The following CDC42BPA variants were observed in gnomAD, a reference collection of about 807,000 sequenced individuals.
CDC42BPA encodes serine/threonine-protein kinase MRCK alpha.
Under a neutral mutation model 223.5 loss-of-function variants are expected in CDC42BPA, and 80 were observed. The ratio of observed to expected loss-of-function variants is 0.36; its 90% confidence interval spans 0.30 to 0.43. CDC42BPA has a LOEUF of 0.43. Ranked by LOEUF, CDC42BPA falls within the 20% of genes least tolerant of loss-of-function variation. CDC42BPA has a pLI of 1.00. For missense variants in CDC42BPA, 1,743 were observed against 2,099.9 expected (o/e 0.83, Z 3.32); for synonymous variants, 694 against 718.6 (o/e 0.97, Z 0.55).
intron 5 of CDC42BPA, among the ~76,000 whole-genome samples, chr1:227,193,121 T>C (rs1030512513): frequency 1.4e-5 from 2 of 140,594 alleles, no homozygotes; most frequent in African/African-American, 5.5e-5. Context: ...CAGGCTGGAG[T>C]GCAGTGGCGG....
Position 227,035,547 on chromosome 1 carries a change from G to A in CDC42BPA, c.3260C>T (p.Pro1087Leu), listed in dbSNP as rs1253653572. The change falls in exon 25 of 37, where the codon CCT (proline) becomes CTT (leucine). Residue 1087 changes from proline (P) to leucine (L), a missense_variant. Physicochemically the swap from Pro to Leu is moderately conservative, Grantham distance 98. This residue lies in a region of CDC42BPA where 678 missense variants were observed against 777.5 expected (regional missense o/e 0.87). Transcript: ENST00000366766. ...CAGGGGACCTTTTGTCTGTTCAGGAGGAACTGGACAAGTGGTTGGAGCTTT... is the reference window on the plus strand; with the variant it reads ...CAGGGGACCTTTTGTCTGTTCAGGAAGAACTGGACAAGTGGTTGGAGCTTT... ...VNKAPTTCPV[P>L]PEQTKGPLGI... 4 of 1,610,486 alleles carry A rather than the reference G, an allele frequency of 2.5e-6. No homozygotes were observed. The highest frequency in any genetic ancestry group is 1.7e-5 in the Admixed American group (1 of 59,254).
At chr1:227,114,286 T>C (rs1195138477) in intron 12 of CDC42BPA, among the ~76,000 whole-genome samples, 1 of 151,762 alleles carries the variant, frequency 6.6e-6, no homozygotes, top group African/African-American at 2.4e-5. Flanking sequence ...ACTGAAGAAG[T>C]AACAACAGCA....
At chr1:227,128,171 G>C (rs1311340681) in intron 11 of CDC42BPA, among the ~76,000 whole-genome samples, 4 of 152,050 alleles carry the variant, frequency 2.6e-5, no homozygotes, top group Non-Finnish European at 5.9e-5. Flanking sequence ...TGTTTTACTT[G>C]AACACCTGGG....
intron 7 of CDC42BPA, 105 bp from the exon 8 acceptor site, chr1:227,145,842 C>A (rs1660610909): frequency 1.2e-6 from 1 of 838,794 alleles, no homozygotes; most frequent in Admixed American, 3.0e-5. Flanking sequence ...TTAAATATAT[C>A]TAATAACTGC....
At chr1:227,247,362 G>A (rs1387329845) in intron 2 of CDC42BPA, among the ~76,000 whole-genome samples, 3 of 151,452 alleles carry the variant, frequency 2.0e-5, no homozygotes, top group Non-Finnish European at 4.4e-5. Context: ...AGGCATGATG[G>A]TGCACGCCTG....
At chr1:227,166,529 T>C (rs377437033) in intron 5 of CDC42BPA, among the ~76,000 whole-genome samples, 17 of 152,194 alleles carry the variant, frequency 1.1e-4, no homozygotes, top group African/African-American at 3.9e-4. Flanking sequence ...AAAGAAAACA[T>C]TTGACCAAGA....
Position 227,297,967 on chromosome 1 carries a change from T to TATATATATATACACACACACACAC in CDC42BPA, c.178+19037_178+19038insGTGTGTGTGTGTGTATATATATAT, listed in dbSNP as rs369403944. Among the ~76,000 whole-genome samples, 27 of 132,070 alleles carry TATATATATATACACACACACACAC rather than the reference T, an allele frequency of 2.0e-4. 1 individual carries two copies. Among genetic ancestry groups the TATATATATATACACACACACACAC allele is most frequent in the African/African-American group, 7.0e-4 (24 of 34,208 alleles). 86.6% of individuals were successfully genotyped at this position (132,070 alleles called of 152,430 possible). On this transcript the variant is annotated intron_variant, in intron 1 of 36. Coordinates refer to ENST00000366766, the MANE Select transcript of CDC42BPA (RefSeq NM_001394014.1). ...GTGTGTGTGTGTGTATATATACATATACACACACACACACATATATACATA... is the reference window on the plus strand; with the variant it reads ...GTGTGTGTGTGTGTATATATACATATATATATATATACACACACACACACACACACACACACACATATATACATA...
At chr1:227,270,354 T>C (rs1027780325) in intron 1 of CDC42BPA, among the ~76,000 whole-genome samples, 6 of 152,016 alleles carry the variant, frequency 3.9e-5, no homozygotes, top group South Asian at 2.1e-4. Context: ...AGAATGGAAA[T>C]AAGGAATAGG....
chr1:227,312,402 G>A (rs886879099), intron 1 of CDC42BPA, among the ~76,000 whole-genome samples: 1 of 152,106 alleles, frequency 6.6e-6, no homozygotes, highest in African/African-American at 2.4e-5. Context: ...TAGGAATTAT[G>A]GGACATTTCA....
intron 32 of CDC42BPA, among the ~76,000 whole-genome samples, chr1:227,018,275 T>C (rs1226482424): frequency 2.0e-5 from 3 of 152,094 alleles, no homozygotes; most frequent in African/African-American, 7.2e-5. Context: ...TTGAGAATTA[T>C]GAGGGTAAAG....
At chr1:227,277,290 T>C (rs1042320594) in intron 1 of CDC42BPA, among the ~76,000 whole-genome samples, 5 of 152,126 alleles carry the variant, frequency 3.3e-5, no homozygotes, top group African/African-American at 1.2e-4. Context: ...TAATTTAAAA[T>C]CTTTCAAGAA....
At chr1:227,102,804 T>A (rs542803832) in intron 14 of CDC42BPA, among the ~76,000 whole-genome samples, 33 of 146,796 alleles carry the variant, frequency 2.2e-4, no homozygotes, top group African/African-American at 8.4e-4. Flanking sequence ...AAATGTGTCA[T>A]AAAATGAATT....
intron 1 of CDC42BPA, among the ~76,000 whole-genome samples, chr1:227,315,798 T>A (rs889078127): frequency 6.6e-6 from 1 of 152,122 alleles, no homozygotes; most frequent in Non-Finnish European, 1.5e-5. Flanking sequence ...TTTTGAAAAG[T>A]TATTCTATTC....
At chr1:227,278,145 C>A (rs1281210258) in intron 1 of CDC42BPA, among the ~76,000 whole-genome samples, 1 of 152,212 alleles carries the variant, frequency 6.6e-6, no homozygotes, top group East Asian at 1.9e-4. Flanking sequence ...CAGGCTTTCT[C>A]CACTACACTA....
intron 1 of CDC42BPA, among the ~76,000 whole-genome samples, chr1:227,308,211 A>C (rs868781356): frequency 6.6e-6 from 1 of 152,182 alleles, no homozygotes; most frequent in African/African-American, 2.4e-5. Flanking sequence ...AAATTTTAAA[A>C]AGCAAAATGG....
At chr1:227,004,683 A>C (rs1663629148) in intron 35 of CDC42BPA, 1 of 358,972 alleles carries the variant, frequency 2.8e-6, no homozygotes, top group Non-Finnish European at 5.3e-6. Context: ...ATTCATCCCT[A>C]ACAGCTACCC....
At chr1:227,283,040 T>A (rs573721618) in intron 1 of CDC42BPA, among the ~76,000 whole-genome samples, 116 of 152,320 alleles carry the variant, frequency 7.6e-4, no homozygotes, top group African/African-American at 2.7e-3. Flanking sequence ...CTTTTTATAA[T>A]TCATGGGATG....
intron 5 of CDC42BPA, among the ~76,000 whole-genome samples, chr1:227,190,599 CTA>C (rs1040875320): frequency 1.9e-4 from 29 of 152,260 alleles, no homozygotes; most frequent in Admixed American, 1.8e-3. Context: ...AGTTTTATTT[CTA>C]TCTTAGGTTT....
intron 10 of CDC42BPA, among the ~76,000 whole-genome samples, chr1:227,133,126 G>C (rs80304121): frequency 6.6e-6 from 1 of 151,294 alleles, no homozygotes; most frequent in Admixed American, 6.6e-5. Context: ...CCCTGTCCGG[G>C]AGGCGAGGGG....
Sources: allele counts gnomAD v4.1 joint callset (sites outside exome capture counted in the v4.1 genomes callset), GRCh38; gene constraint gnomAD v4.1.1; regional missense constraint gnomAD v4.1.1; transcripts MANE v1.5; gene names NCBI Gene and HGNC (gene_info 2026-07-23, HGNC 2026-07-21).